Variants in PXK observed in about 807,000 individuals in gnomAD.
The protein encoded by PXK is PX domain-containing protein kinase-like protein.
Under a neutral mutation model 84.7 loss-of-function variants are expected in PXK, and 35 were observed. The observed-to-expected ratio is 0.41, with a 90% confidence interval of 0.32 to 0.55. The LOEUF is 0.55. Among genes scored for constraint, PXK ranks in the 20% least tolerant of loss-of-function variants. PXK has a pLI of 0.21. For synonymous variants in PXK, 253 were observed against 260.8 expected, an observed-to-expected ratio of 0.97 and a Z score of 0.29; for missense variants, 634 against 699.7, an observed-to-expected ratio of 0.91 and a Z score of 1.06.
rs747235280 is a variant in PXK, at chr3:58,401,754, G to A, written c.1182-2108G>A. Among the ~76,000 whole-genome samples the A allele has an allele frequency of 4.6e-5, 7 of 152,020 alleles. No homozygotes were observed. Among genetic ancestry groups the A allele is most frequent in the Middle Eastern group, 3.2e-3 (1 of 316 alleles). ...ATCCTAGCTAACACGGTGAAACCCT[G>A]TCTCTACTAAAAATGCAAAAAAATT... On this transcript the variant is annotated intron_variant, in intron 12 of 17. Coordinates refer to ENST00000356151, the MANE Select transcript of PXK (RefSeq NM_017771.5). This position sits in a 1 kb window ranked among gnomAD's most constrained non-coding sequence, Gnocchi z 4.4.
At chr3:58,345,644 T>C (rs1015128512) in intron 1 of PXK, among the ~76,000 whole-genome samples, 3 of 152,206 alleles carry the variant, frequency 2.0e-5, no homozygotes, top group Non-Finnish European at 4.4e-5. Context: ...ATTAAAATAC[T>C]GTGTAATGGT....
Position 58,414,183 on chromosome 3 carries a change from C to T in PXK, c.1528+1220C>T, listed in dbSNP as rs1033717513. The T allele has an allele frequency of 1.3e-5, 2 of 152,098 alleles. No individual in the cohort carries two copies. Among genetic ancestry groups the T allele is most frequent in the African/African-American group, 4.8e-5 (2 of 41,408 alleles). 9.4% of individuals were successfully genotyped at this position (152,098 alleles called of 1,614,324 possible). A position where few individuals can be genotyped will look rare whatever the true frequency, so the allele number is the denominator to read the frequency against. Reference sequence around the variant, plus strand: ...ATCAGAAATGTCTGGTGATCTACTGCCCGGACTATATTAAGCCATTTTCTA... The same window carrying T: ...ATCAGAAATGTCTGGTGATCTACTGTCCGGACTATATTAAGCCATTTTCTA... On this transcript the variant is annotated intron_variant, in intron 17 of 17. Coordinates refer to ENST00000356151, the MANE Select transcript of PXK (RefSeq NM_017771.5). This position sits in a 1 kb window ranked among gnomAD's most constrained non-coding sequence, Gnocchi z 4.5.
intron 9 of PXK, among the ~76,000 whole-genome samples, chr3:58,396,164 A>G (rs2057631951): frequency 6.6e-6 from 1 of 152,194 alleles, no homozygotes; most frequent in Non-Finnish European, 1.5e-5. Flanking sequence ...GGATTCTCCA[A>G]GCTTCTGGGA....
At chr3:58,369,641 A>G (rs926309497) in intron 3 of PXK, among the ~76,000 whole-genome samples, 163 bp downstream of exon 3, 1 of 152,202 alleles carries the variant, frequency 6.6e-6, no homozygotes, top group Non-Finnish European at 1.5e-5. Flanking sequence ...CCTGACCAAC[A>G]TGGAGAAACC....
chr3:58,408,902 A>G (rs757907750), intron 13 of PXK, 22 bp from the exon 14 acceptor site: 2 of 1,510,974 alleles, frequency 1.3e-6, no homozygotes, highest in South Asian at 1.1e-5. Context: ...TCAATAGATG[A>G]TGTACTTTTC....
Position 58,401,770 on chromosome 3 carries a change from C to G in PXK, c.1182-2092C>G, listed in dbSNP as rs2058604805. Among the ~76,000 whole-genome samples the G allele has an allele frequency of 6.6e-6, 1 of 151,866 alleles. No homozygotes were observed. The highest frequency in any genetic ancestry group is 6.6e-5 in the Admixed American group (1 of 15,230). ...TGAAACCCTGTCTCTACTAAAAATG[C>G]AAAAAAATTAGCCGAGCGTGGTGGC... On this transcript the variant is annotated intron_variant, in intron 12 of 17. Coordinates refer to ENST00000356151, the MANE Select transcript of PXK (RefSeq NM_017771.5). This position sits in a 1 kb window ranked among gnomAD's most constrained non-coding sequence, Gnocchi z 4.4.
chr3:58,346,892 G>C (rs1265446624), intron 1 of PXK, among the ~76,000 whole-genome samples: 2 of 152,194 alleles, frequency 1.3e-5, no homozygotes, highest in African/African-American at 4.8e-5. Context: ...AGGCTGGAGT[G>C]CAGTGGTGCG....
rs73835189 is a variant in PXK at position 58,345,376 on chromosome 3, C to G, written c.102+12286C>G. ...AAATATAAAAATATTTTATTTAGAT[C>G]AGTATATTACTAAAAATTGTTTGGG... On this transcript the variant is annotated intron_variant, in intron 1 of 17. Transcript: ENST00000356151. 2.6e-3 allele frequency among the ~76,000 whole-genome samples: 393 copies of G among 152,216 alleles called. 1 individual carries two copies. Among genetic ancestry groups the G allele is most frequent in the African/African-American group, 9.1e-3 (377 of 41,548 alleles).
In PXK at chr3:58,333,707, T is replaced by C. The variant is rs2097538609; in HGVS notation, c.102+617T>C. 1 of 451,214 alleles carries C rather than the reference T, an allele frequency of 2.2e-6. No homozygotes were observed. Among genetic ancestry groups the C allele is most frequent in the African/African-American group, 2.0e-5 (1 of 49,948 alleles). 28.0% of individuals were successfully genotyped at this position (451,214 alleles called of 1,614,324 possible). ...AAGCAGGTGTATGAATGTGCTTCTC[T>C]AACTTGCTCTTTAGTGGGCAGTGGT... is the stretch of plus-strand genomic sequence containing the variant. On this transcript the variant is annotated intron_variant, in intron 1 of 17. Coordinates refer to ENST00000356151, the MANE Select transcript of PXK (RefSeq NM_017771.5). This position sits in a 1 kb window ranked among gnomAD's most constrained non-coding sequence, Gnocchi z 5.4.
Position 58,336,038 on chromosome 3 carries a change from CAT to C in PXK, c.102+2981_102+2982del, listed in dbSNP as rs1168755178. The stretch of plus-strand genomic sequence containing the variant: ...ATCAAGTTTGTTTAACCTTGGGAAA[CAT>C]ATATATATATATATATATATATATA... On this transcript the variant is annotated intron_variant, in intron 1 of 17. Coordinates refer to ENST00000356151, the MANE Select transcript of PXK (RefSeq NM_017771.5). Among the ~76,000 whole-genome samples the C allele has an allele frequency of 5.5e-3, 239 of 43,144 alleles. 6 individuals carry two copies. The highest frequency in any genetic ancestry group is 0.019 in the Middle Eastern group (1 of 54). The allele number at this position is 43,144 out of a possible 152,430, so 28.3% of individuals were successfully genotyped here.
intron 1 of PXK, among the ~76,000 whole-genome samples, chr3:58,339,696 G>T (rs1005910338): frequency 2.6e-5 from 4 of 152,142 alleles, no homozygotes; most frequent in African/African-American, 7.2e-5. Flanking sequence ...TGGGGCTGAG[G>T]TTTATTTCAT....
chr3:58,389,018 C>T (rs903529517), intron 4 of PXK, among the ~76,000 whole-genome samples: 3 of 151,988 alleles, frequency 2.0e-5, no homozygotes, highest in Non-Finnish European at 2.9e-5. Flanking sequence ...GGGGAAATGG[C>T]AAATTACAGA....
chr3:58,367,502 C>T lies in PXK; in HGVS notation c.153+1578C>T, dbSNP rs962655388. Among the ~76,000 whole-genome samples, 5 of 152,216 alleles carry T rather than the reference C, an allele frequency of 3.3e-5. No individual in the cohort carries two copies. In the East Asian group the frequency reaches 7.7e-4, roughly 24 times the overall value. ...CCTCGTGATCCGCCTGCCTCGGCCT[C>T]CCAAAGTGTTGGGATTACAGATGTG... On this transcript the variant is annotated intron_variant, in intron 2 of 17. Coordinates refer to ENST00000356151, the MANE Select transcript of PXK (RefSeq NM_017771.5).
intron 3 of PXK, among the ~76,000 whole-genome samples, chr3:58,377,921 G>T (rs1430737908): frequency 6.6e-6 from 1 of 152,178 alleles, no homozygotes. Flanking sequence ...CCCCTGGAAG[G>T]TTCCAGCATT....
At chr3:58,403,807 G>A in intron 12 of PXK, 55 bp from the exon 13 acceptor site, 1 of 1,220,352 alleles carries the variant, frequency 8.2e-7, no homozygotes, top group Non-Finnish European at 1.2e-6. Flanking sequence ...TTTCATCCTA[G>A]TCTGAGAGTG....
chr3:58,381,155 A>G (rs1468037318), intron 3 of PXK, among the ~76,000 whole-genome samples: 2 of 151,210 alleles, frequency 1.3e-5, no homozygotes, highest in East Asian at 4.0e-4. Flanking sequence ...AGGCTGAGGC[A>G]GGAGAATGGG....
At chr3:58,339,519 C>T (rs564545446) in intron 1 of PXK, among the ~76,000 whole-genome samples, 5 of 152,152 alleles carry the variant, frequency 3.3e-5, no homozygotes, top group African/African-American at 4.8e-5. Context: ...CATGAGCTAC[C>T]GTGCCCAGCC....
At chr3:58,381,248 C>CA (rs34425100) in intron 3 of PXK, among the ~76,000 whole-genome samples, 5 of 97,482 alleles carry the variant, frequency 5.1e-5, no homozygotes, top group African/African-American at 1.5e-4. Context: ...GACTCCGTCT[C>CA]AAAAAAAAAA....
At chr3:58,356,527 C>T (rs557376764) in intron 1 of PXK, among the ~76,000 whole-genome samples, 17 of 152,244 alleles carry the variant, frequency 1.1e-4, no homozygotes, top group African/African-American at 3.6e-4. Context: ...TGTCGAGTTT[C>T]TGCTGGTCTC....
Sources: allele counts gnomAD v4.1 joint callset (sites outside exome capture counted in the v4.1 genomes callset), GRCh38; gene constraint gnomAD v4.1.1; non-coding constraint Gnocchi (gnomAD v3.1); transcripts MANE v1.5; gene names NCBI Gene and HGNC (gene_info 2026-07-23, HGNC 2026-07-21).